The following GPC6 variants were observed in gnomAD, a reference collection of about 807,000 sequenced individuals.
GPC6 encodes the protein glypican 6, also known as glypican-6.
A neutral mutation model predicts 55.2 loss-of-function variants in GPC6; 14 were observed. That is an observed-to-expected ratio of 0.25 (90% CI 0.17 to 0.40). GPC6 has a LOEUF of 0.40. Among genes scored for constraint, GPC6 ranks in the 10% least tolerant of loss-of-function variants. GPC6 has a pLI of 1.00. For synonymous variants in GPC6, 278 were observed against 259.6 expected, an observed-to-expected ratio of 1.07 and a Z score of -0.68; for missense variants, 641 against 708.5, an observed-to-expected ratio of 0.90 and a Z score of 1.08.
At chr13:93,486,947 A>G (rs1299808460) in intron 1 of GPC6, among the ~76,000 whole-genome samples, 9 of 151,774 alleles carry the variant, frequency 5.9e-5, no homozygotes, top group Non-Finnish European at 8.8e-5. Context: ...CCATCTCAAA[A>G]AAAAAAAAAA....
At chr13:93,560,728 T>A (rs1267837912) in intron 2 of GPC6, among the ~76,000 whole-genome samples, 1 of 148,406 alleles carries the variant, frequency 6.7e-6, no homozygotes, top group Non-Finnish European at 1.5e-5. Flanking sequence ...ATCATGACAC[T>A]GCACTCCAGC....
At chr13:94,054,465 T>C (rs540789304) in intron 4 of GPC6, among the ~76,000 whole-genome samples, 3 of 152,164 alleles carry the variant, frequency 2.0e-5, no homozygotes, top group Non-Finnish European at 4.4e-5. Flanking sequence ...GGAATGTGTG[T>C]TTCTAACAAG....
intron 1 of GPC6, among the ~76,000 whole-genome samples, chr13:93,494,751 T>G (rs2139362720): frequency 6.6e-6 from 1 of 150,758 alleles, no homozygotes; most frequent in South Asian, 2.1e-4. Context: ...TTTGCTTGTG[T>G]GTAAAGTATT....
chr13:94,247,287 T>A (rs1395155141), intron 4 of GPC6, among the ~76,000 whole-genome samples: 1 of 152,148 alleles, frequency 6.6e-6, no homozygotes, highest in Non-Finnish European at 1.5e-5. Flanking sequence ...TCACATTATC[T>A]GCAGATACAA....
chr13:94,396,579 G>A (rs1432612675), intron 7 of GPC6, among the ~76,000 whole-genome samples: 1 of 152,214 alleles, frequency 6.6e-6, no homozygotes, highest in African/African-American at 2.4e-5. Flanking sequence ...GCAGATCCCT[G>A]AAAGCTGGGA....
rs1202230386 is a variant in GPC6 at position 94,115,262 on chromosome 13, T to C, written c.877+87368T>C. Among the ~76,000 whole-genome samples, 3 of 152,112 alleles carry C rather than the reference T, an allele frequency of 2.0e-5. No homozygotes were observed. The East Asian group carries it at 5.8e-4, about 29-fold the overall frequency. ...TGCAAATGTCCTCCAGGGGGCCATT[T>C]AGCTATCTCCTTTTTGCACCTAAAG... is the stretch of plus-strand genomic sequence containing the variant. On this transcript the variant is annotated intron_variant, in intron 4 of 8. Coordinates refer to ENST00000377047, the MANE Select transcript of GPC6 (RefSeq NM_005708.5).
At chr13:93,349,718 C>G (rs779731128) in intron 1 of GPC6, among the ~76,000 whole-genome samples, 22 of 152,142 alleles carry the variant, frequency 1.4e-4, no homozygotes, top group Non-Finnish European at 7.4e-5. Context: ...TGAGTTTTGG[C>G]TTTCTTTCTC....
chr13:93,764,418 A>C (rs1343608693), intron 2 of GPC6, among the ~76,000 whole-genome samples: 1 of 152,172 alleles, frequency 6.6e-6, no homozygotes, highest in Admixed American at 6.5e-5. Context: ...GATAACTCCA[A>C]ACATTTTATT....
intron 2 of GPC6, among the ~76,000 whole-genome samples, chr13:93,555,331 T>C (rs1156461118): frequency 6.6e-6 from 1 of 152,218 alleles, no homozygotes; most frequent in Non-Finnish European, 1.5e-5. Context: ...AGTTCAGAGA[T>C]TAGGTCTCCT....
chr13:93,812,317 C>T (rs560640330), intron 2 of GPC6, among the ~76,000 whole-genome samples: 51 of 150,996 alleles, frequency 3.4e-4, no homozygotes, highest in African/African-American at 1.1e-3. Context: ...AACTGGGAGG[C>T]GGAGGTTGCA....
chr13:94,242,596 T>G (rs753453833), intron 4 of GPC6, among the ~76,000 whole-genome samples: 2 of 152,134 alleles, frequency 1.3e-5, no homozygotes, highest in Non-Finnish European at 2.9e-5. Flanking sequence ...CCATTCATTT[T>G]CAGCAGCCTT....
At chr13:93,860,868 C>T (rs1297687455) in intron 3 of GPC6, among the ~76,000 whole-genome samples, 1 of 151,572 alleles carries the variant, frequency 6.6e-6, no homozygotes, top group Non-Finnish European at 1.5e-5. Flanking sequence ...GTTGCTCTCA[C>T]TATAGCAAAA....
At chr13:93,564,378 A>C (rs544073106) in intron 2 of GPC6, among the ~76,000 whole-genome samples, 10 of 152,284 alleles carry the variant, frequency 6.6e-5, no homozygotes, top group African/African-American at 2.4e-4. Flanking sequence ...TTGGGGAATG[A>C]AAATAGTCTT....
chr13:93,338,940 C>T (rs561584842), intron 1 of GPC6, among the ~76,000 whole-genome samples: 1 of 152,212 alleles, frequency 6.6e-6, no homozygotes, highest in African/African-American at 2.4e-5. Flanking sequence ...GAGGAACTAG[C>T]CCATCTATTC....
chr13:94,064,012 C>T (rs766467825), intron 4 of GPC6, among the ~76,000 whole-genome samples: 30 of 152,114 alleles, frequency 2.0e-4, no homozygotes, highest in Admixed American at 6.5e-5. Context: ...TATGCCACCA[C>T]CCTTGTCTTG....
At chr13:93,511,980 C>T (rs901318307) in intron 1 of GPC6, among the ~76,000 whole-genome samples, 3 of 151,786 alleles carry the variant, frequency 2.0e-5, no homozygotes, top group Non-Finnish European at 4.4e-5. Context: ...TCTTTGTTGA[C>T]TAGATCATTA....
At chr13:93,755,076 T>A (rs1227980055) in intron 2 of GPC6, among the ~76,000 whole-genome samples, 3 of 152,228 alleles carry the variant, frequency 2.0e-5, no homozygotes, top group Non-Finnish European at 2.9e-5. Context: ...ATGTATAGCT[T>A]TGTTTTCTTT....
intron 2 of GPC6, among the ~76,000 whole-genome samples, chr13:93,733,537 T>C (rs1355199610): frequency 6.6e-6 from 1 of 150,672 alleles, no homozygotes; most frequent in Non-Finnish European, 1.5e-5. Flanking sequence ...ATAAAATATA[T>C]AAAATAAGGC....
At chr13:93,881,613 C>T (rs145530684) in intron 3 of GPC6, among the ~76,000 whole-genome samples, 326 of 152,152 alleles carry the variant, frequency 2.1e-3, no homozygotes, top group African/African-American at 7.3e-3. Context: ...GCTAGGCCCT[C>T]TCAGTGGACA....
Sources: gnomAD v4.1 joint callset for allele counts (sites outside exome capture counted in the v4.1 genomes callset) on GRCh38, gnomAD v4.1.1 for gene constraint, MANE v1.5 for transcripts, NCBI Gene and HGNC (gene_info 2026-07-23, HGNC 2026-07-21) for gene names.